The following MCCC2 variants were observed in gnomAD, a reference collection of about 807,000 sequenced individuals.
MCCC2 encodes the protein methylcrotonoyl-CoA carboxylase beta chain, mitochondrial.
MCCC2 carries 52 observed loss-of-function variants against 77.2 expected under a neutral mutation model. The observed-to-expected ratio is 0.67, with a 90% CI of 0.54 to 0.85. MCCC2 has a LOEUF of 0.85. MCCC2 is among the 40% of genes least tolerant of loss of function. MCCC2 has a pLI of 0.00. For synonymous variants in MCCC2, 253 were observed against 248.4 expected (o/e 1.02, Z -0.18); for missense variants, 682 against 703.2 (o/e 0.97, Z 0.34).
chr5:71,602,762 G>GA (rs1745492020), intron 5 of MCCC2, 129 bp downstream of exon 5: 2 of 1,367,400 alleles, frequency 1.5e-6, no homozygotes, highest in South Asian at 2.5e-5. Flanking sequence ...AATTATAAAG[G>GA]AAACACAGGT....
At chr5:71,627,460 T>C (rs566519713) in intron 7 of MCCC2, among the ~76,000 whole-genome samples, 1 of 152,324 alleles carries the variant, frequency 6.6e-6, no homozygotes, top group East Asian at 1.9e-4. Context: ...GGTTATGCTG[T>C]GTTCTAGCTA....
At chr5:71,600,484 G>A (rs1008252562) in intron 4 of MCCC2, among the ~76,000 whole-genome samples, 1 of 151,648 alleles carries the variant, frequency 6.6e-6, no homozygotes, top group Non-Finnish European at 1.5e-5. Flanking sequence ...GGAGTGCAGT[G>A]ACATGATCAT....
At position 71,591,633 on chromosome 5, in the gene MCCC2, C is replaced by G. The variant is rs191399889; in HGVS notation, c.130-1293C>G. Among the ~76,000 whole-genome samples, 103 of 152,182 alleles carry G rather than the reference C, an allele frequency of 6.8e-4. 1 individual carries two copies. In the East Asian group the frequency reaches 0.02, roughly 29 times the overall value. On this transcript the variant is annotated intron_variant, in intron 1 of 16. Coordinates refer to ENST00000340941, the MANE Select transcript of MCCC2 (RefSeq NM_022132.5). ...GTATTTTTTAGTAGAGACGAGTTTT[C>G]TCCATGTTGGTCAGGCTGGTCTCGA...
At chr5:71,627,741 T>C (rs1169588506) in intron 7 of MCCC2, among the ~76,000 whole-genome samples, 1 of 152,212 alleles carries the variant, frequency 6.6e-6, no homozygotes, top group Non-Finnish European at 1.5e-5. Context: ...TATGTTTGTC[T>C]GATGACAGCC....
At chr5:71,624,693 C>CTTTT (rs36140678) in intron 6 of MCCC2, among the ~76,000 whole-genome samples, 1 of 101,896 alleles carries the variant, frequency 9.8e-6, no homozygotes. Context: ...TTCTTTCTTT[C>CTTTT]TTTTTTTTTT....
chr5:71,602,581 A>C lies in MCCC2; in HGVS notation c.459A>C (p.Gln153His). 4 of 1,614,206 alleles carry C rather than the reference A, an allele frequency of 2.5e-6. No individual in the cohort carries two copies. Among genetic ancestry groups the C allele is most frequent in the Non-Finnish European group, 3.4e-6 (4 of 1,180,030 alleles). The change falls in exon 5 of 17, where the codon CAA (glutamine) becomes CAC (histidine). Residue 153 changes from glutamine to histidine, a missense_variant. Physicochemically the swap from Gln to His is conservative, Grantham distance 24. Coordinates refer to ENST00000340941, the MANE Select transcript of MCCC2 (RefSeq NM_022132.5). ...ACTACCCAGTGACTGTGAAAAAACA[A>C]TTACGGGCCCAAGAAATTGCCATGC... is the stretch of plus-strand genomic sequence containing the variant. ...GAYYPVTVKK[Q>H]LRAQEIAMQN... is the part of the protein sequence containing the mutation.
intron 10 of MCCC2, among the ~76,000 whole-genome samples, chr5:71,639,611 T>A (rs536827654): frequency 6.6e-6 from 1 of 152,194 alleles, no homozygotes; most frequent in Non-Finnish European, 1.5e-5. Flanking sequence ...ACATTATGGA[T>A]TTTTTGTGAA....
chr5:71,618,237 G>A (rs1746232952), intron 6 of MCCC2, among the ~76,000 whole-genome samples: 1 of 152,130 alleles, frequency 6.6e-6, no homozygotes, highest in Admixed American at 6.5e-5. Context: ...GTTAAATGGT[G>A]GCACCTTTGG....
intron 6 of MCCC2, among the ~76,000 whole-genome samples, chr5:71,613,037 A>G (rs183584914): frequency 2.0e-5 from 3 of 152,108 alleles, no homozygotes; most frequent in South Asian, 4.2e-4. Flanking sequence ...CCTCCCTCCC[A>G]TGTCTGCCTC....
intron 10 of MCCC2, among the ~76,000 whole-genome samples, chr5:71,637,250 GTGTCATT>G (rs1281619973): frequency 6.6e-6 from 1 of 152,072 alleles, no homozygotes; most frequent in East Asian, 1.9e-4. Flanking sequence ...GTTAGAACTT[GTGTCATT>G]TGTGTGTGAA....
intron 11 of MCCC2, chr5:71,641,370 T>G (rs577911615): frequency 1.1e-5 from 4 of 361,950 alleles, no homozygotes; most frequent in Non-Finnish European, 2.0e-5. Context: ...TAGAAAATAC[T>G]TGTAGTTCTT....
chr5:71,627,307 G>T (rs529106104), intron 7 of MCCC2, among the ~76,000 whole-genome samples: 1 of 152,318 alleles, frequency 6.6e-6, no homozygotes, highest in Non-Finnish European at 1.5e-5. Context: ...GAACATGGGT[G>T]TACAAATTTC....
At chr5:71,631,699 C>T (rs907648523) in intron 7 of MCCC2, among the ~76,000 whole-genome samples, 43 of 152,188 alleles carry the variant, frequency 2.8e-4, no homozygotes, top group African/African-American at 9.6e-4. Context: ...CGCCACCGCG[C>T]CCAGCTAATT....
At chr5:71,624,992 CCTGT>C (rs1746491105) in intron 6 of MCCC2, among the ~76,000 whole-genome samples, 2 of 152,044 alleles carry the variant, frequency 1.3e-5, no homozygotes, top group Admixed American at 1.3e-4. Context: ...CTGTGCCCAG[CCTGT>C]CTAACTACAT....
At chr5:71,629,975 C>T (rs537366376) in intron 7 of MCCC2, among the ~76,000 whole-genome samples, 2 of 152,080 alleles carry the variant, frequency 1.3e-5, no homozygotes, top group African/African-American at 2.4e-5. Context: ...TGGAATAATG[C>T]GAAGGGTTTT....
At chr5:71,638,276 C>G (rs1254620438) in intron 10 of MCCC2, among the ~76,000 whole-genome samples, 1 of 152,236 alleles carries the variant, frequency 6.6e-6, no homozygotes, top group Admixed American at 6.5e-5. Context: ...TCCACCACAT[C>G]TGAAGTGACT....
chr5:71,596,385 T>A (rs771111528), intron 3 of MCCC2, 21 bp downstream of exon 3: 53 of 1,579,182 alleles, frequency 3.4e-5, no homozygotes, highest in Non-Finnish European at 4.3e-5. Context: ...AGCCAAGTAC[T>A]GACTCAGAGT....
intron 10 of MCCC2, among the ~76,000 whole-genome samples, chr5:71,640,336 TC>T (rs1440851139): frequency 6.6e-6 from 1 of 152,020 alleles, no homozygotes; most frequent in Non-Finnish European, 1.5e-5. Flanking sequence ...TATTTTTTTT[TC>T]TAATTTATTA....
chr5:71,635,533 T>G (rs1746886434), intron 10 of MCCC2: 1 of 440,060 alleles, frequency 2.3e-6, no homozygotes, highest in South Asian at 2.1e-5. Flanking sequence ...GTGCACATTA[T>G]GAATGATGTA....
Sources: allele counts gnomAD v4.1 joint callset (sites outside exome capture counted in the v4.1 genomes callset), GRCh38; gene constraint gnomAD v4.1.1; transcripts MANE v1.5; gene names NCBI Gene and HGNC (gene_info 2026-07-23, HGNC 2026-07-21).